The following ATOX1 variants were observed in gnomAD, a reference collection of about 807,000 sequenced individuals.
ATOX1 encodes copper transport protein ATOX1.
In ATOX1, 4 loss-of-function variants were observed where a neutral mutation model predicts 7.3. That is an observed-to-expected ratio of 0.55 (90% CI 0.27 to 1.25). ATOX1 has a LOEUF of 1.25. ATOX1 is among the 50% of genes most tolerant of loss of function. ATOX1 has a pLI of 0.12. For missense variants in ATOX1, 68 were observed against 81.6 expected (o/e 0.83, Z 0.64); for synonymous variants, 25 against 28.7 (o/e 0.87, Z 0.41).
intron 1 of ATOX1, chr5:151,752,185 A>C (rs1205129864): frequency 5.7e-6 from 4 of 696,662 alleles, no homozygotes; most frequent in Non-Finnish European, 1.0e-5. Flanking sequence ...TGGTGGGCCC[A>C]CTTATGAACC....
rs1761880605 is a variant in ATOX1 at position 151,746,451 on chromosome 5, T to C, written c.83-2A>G. On this transcript the variant is annotated splice_acceptor_variant, in intron 2 of 3. Coordinates refer to ENST00000313115, the MANE Select transcript of ATOX1 (RefSeq NM_004045.4). LOFTEE classifies it high-confidence loss of function. ...GCAGGTCAATGTCATACTTAACTCC[T>C]GCAGGAAGAGGAAATGGGGTATGGG... 1 of 1,613,538 alleles carries C rather than the reference T, an allele frequency of 6.2e-7. No homozygotes were observed. Among genetic ancestry groups the C allele is most frequent in the African/African-American group, 1.3e-5 (1 of 74,890 alleles).
chr5:151,756,279 T>G (rs1276281926), intron 1 of ATOX1, among the ~76,000 whole-genome samples: 1 of 151,772 alleles, frequency 6.6e-6, no homozygotes, highest in Non-Finnish European at 1.5e-5. Context: ...GAAACTGAGA[T>G]TTAGGGGTTA....
chr5:151,755,349 T>C lies in ATOX1; in HGVS notation c.6+3197A>G, dbSNP rs145049682. On this transcript the variant is annotated intron_variant, in intron 1 of 3. Transcript: ENST00000313115. ...AAGAGAGCTATTTATCTTATTTCAC[T>C]CAGGAGGAAAGTGAAGTTCCCAAGA... Among the ~76,000 whole-genome samples, 1,104 of 152,304 alleles carry C rather than the reference T, an allele frequency of 7.2e-3. 9 individuals are homozygous for C. The highest frequency in any genetic ancestry group is 0.024 in the Middle Eastern group (7 of 294).
chr5:151,758,106 GTCCGT>G (rs200510076), intron 1 of ATOX1, among the ~76,000 whole-genome samples: 1,547 of 152,330 alleles, frequency 0.01, 15 homozygotes, highest in Non-Finnish European at 0.016. Flanking sequence ...AACCTGCCCG[GTCCGT>G]GAGGAAATAA....
At chr5:151,751,216 A>G (rs1355725597) in intron 2 of ATOX1, among the ~76,000 whole-genome samples, 1 of 148,520 alleles carries the variant, frequency 6.7e-6, no homozygotes, top group Non-Finnish European at 1.5e-5. Context: ...AGATTGCACC[A>G]TTGCACTCCA....
intron 2 of ATOX1, 191 bp from the exon 3 acceptor site, chr5:151,746,640 CTG>C: frequency 3.4e-6 from 2 of 595,708 alleles, no homozygotes; most frequent in East Asian, 3.1e-5. Flanking sequence ...CATATAGACT[CTG>C]TTGTATATTC....
At chr5:151,747,984 A>G (rs537385444) in intron 2 of ATOX1, among the ~76,000 whole-genome samples, 47 of 152,338 alleles carry the variant, frequency 3.1e-4, no homozygotes, top group Non-Finnish European at 4.6e-4. Context: ...GGATGCTTCT[A>G]ATTTTTCACC....
intron 1 of ATOX1, chr5:151,752,194 C>T (rs190381979): frequency 4.3e-6 from 3 of 700,374 alleles, no homozygotes; most frequent in Admixed American, 2.0e-5. Flanking sequence ...CACTTATGAA[C>T]CACAAAATTA....
chr5:151,744,443 T>C (rs1183436987), intron 3 of ATOX1: 1 of 152,192 alleles, frequency 6.6e-6, no homozygotes, highest in Non-Finnish European at 1.5e-5. Context: ...GTCTTGTGAA[T>C]TTCATCTCAA....
chr5:151,750,691 C>G (rs987931520), intron 2 of ATOX1, among the ~76,000 whole-genome samples: 5 of 146,062 alleles, frequency 3.4e-5, no homozygotes, highest in Admixed American at 3.4e-4. Context: ...CTGTTGCCCC[C>G]ACTGCAGTGC....
chr5:151,758,569 T>C lies in ATOX1; in HGVS notation c.-18A>G, dbSNP rs916669107. 1 of 1,410,882 alleles carries C rather than the reference T, an allele frequency of 7.1e-7. No homozygotes were observed. Among genetic ancestry groups the C allele is most frequent in the Non-Finnish European group, 9.3e-7 (1 of 1,075,804 alleles). 87.4% of individuals were successfully genotyped at this position (1,410,882 alleles called of 1,614,324 possible). ...ACCGGCATGACTGAGGCAGCGGCGG[T>C]GTGGCGGCGGTGTGGCGGCGGTGTC... On this transcript the variant is annotated 5_prime_UTR_variant, in exon 1 of 4. Coordinates refer to ENST00000313115, the MANE Select transcript of ATOX1 (RefSeq NM_004045.4).
chr5:151,747,772 A>G (rs957204591), intron 2 of ATOX1, among the ~76,000 whole-genome samples: 1 of 152,096 alleles, frequency 6.6e-6, no homozygotes, highest in African/African-American at 2.4e-5. Context: ...TATTTTTAGT[A>G]GAGATGGGGT....
chr5:151,744,483 T>C (rs988174343), intron 3 of ATOX1: 1 of 152,224 alleles, frequency 6.6e-6, no homozygotes, highest in Admixed American at 6.5e-5. Context: ...ATGTTTTCTA[T>C]GAGAAAAACA....
chr5:151,745,091 T>G (rs544288810), intron 3 of ATOX1: 6 of 152,238 alleles, frequency 3.9e-5, no homozygotes, highest in Non-Finnish European at 7.3e-5. Context: ...CGAAAACAGA[T>G]GCATCTGACA....
intron 2 of ATOX1, 47 bp downstream of exon 2, chr5:151,751,657 C>T (rs776167055): frequency 3.2e-6 from 5 of 1,556,426 alleles, no homozygotes; most frequent in South Asian, 1.2e-5. Flanking sequence ...CATCTGCATG[C>T]ATCTGAACAT....
chr5:151,752,318 C>T (rs1461150543), intron 1 of ATOX1: 2 of 702,438 alleles, frequency 2.8e-6, no homozygotes, highest in Non-Finnish European at 5.2e-6. Flanking sequence ...TGCTTTCATC[C>T]AAGGGCCGCA....
chr5:151,743,806 C>CACTGGG (rs1489630317), intron 3 of ATOX1: 1 of 152,062 alleles, frequency 6.6e-6, no homozygotes, highest in African/African-American at 2.4e-5. Context: ...TGTCACAGAG[C>CACTGGG]ACTTTTATCA....
At chr5:151,754,320 T>A (rs746742627) in intron 1 of ATOX1, among the ~76,000 whole-genome samples, 2 of 152,152 alleles carry the variant, frequency 1.3e-5, no homozygotes, top group Non-Finnish European at 2.9e-5. Context: ...ATTAAAAAGT[T>A]TTTTTAGGCT....
intron 3 of ATOX1, chr5:151,744,511 T>C (rs1345241719): frequency 1.3e-5 from 2 of 152,190 alleles, no homozygotes. Context: ...CTACACATGG[T>C]TTACATCCAA....
Sources: allele counts gnomAD v4.1 joint callset (sites outside exome capture counted in the v4.1 genomes callset), GRCh38; gene constraint gnomAD v4.1.1; transcripts MANE v1.5; gene names NCBI Gene and HGNC (gene_info 2026-07-23, HGNC 2026-07-21).